The following ZNF395 variants were observed in gnomAD, a reference collection of about 807,000 sequenced individuals.
The protein encoded by ZNF395 is zinc finger protein 395, also known as HD gene regulatory region-binding protein 2.
Under a neutral mutation model 57.7 loss-of-function variants are expected in ZNF395, and 20 were observed. The observed-to-expected ratio is 0.35, with a 90% CI of 0.24 to 0.50. The LOEUF (loss-of-function observed/expected upper bound fraction) is 0.50, where lower values mean the gene tolerates loss of function less well. ZNF395 is among the 20% of genes least tolerant of loss of function. The probability of loss-of-function intolerance (pLI) is 0.97; values close to 1 mark genes in which losing one functional copy is unlikely to be tolerated. For missense variants in ZNF395, 606 were observed against 671.2 expected (o/e 0.90, Z 1.07); for synonymous variants, 295 against 275.9 (o/e 1.07, Z -0.69).
chr8:28,366,791 G>C (rs1469383150), intron 1 of ZNF395, among the ~76,000 whole-genome samples: 1 of 144,674 alleles, frequency 6.9e-6, no homozygotes. Flanking sequence ...TTTTTTCCTG[G>C]TATGTCTTCC....
At chr8:28,358,909 T>C (rs941664673) in intron 3 of ZNF395, among the ~76,000 whole-genome samples, 2 of 152,218 alleles carry the variant, frequency 1.3e-5, no homozygotes, top group African/African-American at 4.8e-5. Flanking sequence ...GGACAGAGAC[T>C]GTGTAGTCCA....
chr8:28,379,708 C>T (rs1802086475), intron 1 of ZNF395, among the ~76,000 whole-genome samples: 1 of 152,114 alleles, frequency 6.6e-6, no homozygotes, highest in Admixed American at 6.6e-5. Context: ...AGCGAGCAGG[C>T]ACTCAAGATT....
chr8:28,374,825 T>G (rs1413226054), intron 1 of ZNF395, among the ~76,000 whole-genome samples: 1 of 152,208 alleles, frequency 6.6e-6, no homozygotes, highest in Non-Finnish European at 1.5e-5. Flanking sequence ...ACACGTTCCC[T>G]AATAAGCCAG....
intron 1 of ZNF395, among the ~76,000 whole-genome samples, chr8:28,377,930 G>T (rs150765416): frequency 9.4e-4 from 142 of 151,696 alleles, no homozygotes; most frequent in African/African-American, 3.3e-3. Flanking sequence ...GCTAATTTTT[G>T]TATTTTTAGT....
chr8:28,354,759 G>T (rs1279875796), intron 4 of ZNF395, among the ~76,000 whole-genome samples: 2 of 152,084 alleles, frequency 1.3e-5, no homozygotes, highest in South Asian at 4.2e-4. Context: ...CTTCAGGGCA[G>T]AAGACAAGAA....
rs989783439 is a variant in ZNF395 at position 28,349,847 on chromosome 8, C to A, written c.1326+217G>T. 5.9e-5 allele frequency among the ~76,000 whole-genome samples: 9 copies of A among 152,370 alleles called. No homozygotes were observed. In the South Asian group the frequency reaches 1.2e-3, roughly 21 times the overall value. On this transcript the variant is annotated intron_variant, in intron 8 of 9. Transcript: ENST00000344423. ...GCTTGCTCTGGACATCCTCTACAAG[C>A]GCCTCCTTCCACCTCCGCGAGGGGC...
In ZNF395 at chr8:28,348,395, C is replaced by T; in HGVS notation, c.*324G>A. ...ACGAGCTGTTCCTTCTTTTGACACG[C>T]ACAAGCTAATCCCCTAGAGAGTGGG... On this transcript the variant is annotated 3_prime_UTR_variant, in exon 10 of 10. Transcript: ENST00000344423. 1 of 299,356 alleles carries T rather than the reference C, an allele frequency of 3.3e-6. No homozygotes were observed. Among genetic ancestry groups the T allele is most frequent in the Non-Finnish European group, 6.4e-6 (1 of 155,484 alleles). 18.5% of individuals were successfully genotyped at this position (299,356 alleles called of 1,614,324 possible). A position where few individuals can be genotyped will look rare whatever the true frequency, so the allele number is the denominator to read the frequency against.
At chr8:28,374,846 A>G (rs1188343497) in intron 1 of ZNF395, among the ~76,000 whole-genome samples, 1 of 152,158 alleles carries the variant, frequency 6.6e-6, no homozygotes, top group Non-Finnish European at 1.5e-5. Context: ...CCCTTGCCCA[A>G]TCACACTTCC....
chr8:28,374,275 G>A (rs180864907), intron 1 of ZNF395, among the ~76,000 whole-genome samples: 1 of 152,176 alleles, frequency 6.6e-6, no homozygotes, highest in Non-Finnish European at 1.5e-5. Context: ...CTTTTTGTAA[G>A]TCCTATAGGT....
At chr8:28,367,833 A>G (rs1801929310) in intron 1 of ZNF395, among the ~76,000 whole-genome samples, 1 of 152,196 alleles carries the variant, frequency 6.6e-6, no homozygotes. Context: ...ATTCAAGAAA[A>G]ACGTGTTATA....
At chr8:28,369,915 T>A (rs530817187) in intron 1 of ZNF395, among the ~76,000 whole-genome samples, 1 of 152,150 alleles carries the variant, frequency 6.6e-6, no homozygotes, top group Admixed American at 6.5e-5. Flanking sequence ...CTTAATGAAT[T>A]TGGGGCCTAA....
Position 28,349,146 on chromosome 8 carries a change from G to A in ZNF395, c.1409C>T (p.Pro470Leu), listed in dbSNP as rs2129934986. ...MKSHLIVTSP[P>L]RAQSGARKAR... ...TCACCTGGCACCACTCTGGGCCCGG[G>A]GTGGAGAAGTGACGATCAGATGAGA... The change falls in exon 9 of 10, where the codon CCC (proline) becomes CTC (leucine). Residue 470 changes from proline (P) to leucine (L), a missense_variant. Transcript: ENST00000344423. The A allele has an allele frequency of 6.4e-7, 1 of 1,566,098 alleles. No individual in the cohort carries two copies. Among genetic ancestry groups the A allele is most frequent in the Non-Finnish European group, 8.6e-7 (1 of 1,157,724 alleles).
intron 1 of ZNF395, among the ~76,000 whole-genome samples, chr8:28,384,248 G>A (rs554187276): frequency 4.6e-5 from 7 of 152,220 alleles, no homozygotes; most frequent in East Asian, 3.9e-4. Context: ...TCACCAAAAG[G>A]GCTAAGACTT....
chr8:28,359,650 G>C lies in ZNF395; in HGVS notation c.415C>G (p.Pro139Ala). 1 of 1,613,140 alleles carries C rather than the reference G, an allele frequency of 6.2e-7. No homozygotes were observed. The change falls in exon 3 of 10, where the codon CCC (proline) becomes GCC (alanine). Residue 139 changes from proline to alanine, a missense_variant. Pro to Ala is a conservative substitution (Grantham distance 27). Transcript: ENST00000344423. The surrounding 1 kb of genome is among the most constrained non-coding windows in gnomAD (Gnocchi z 4.7). ...GPCPQAPPLE[P>A]GAQALAYRPV... ...CTGTAGGCCAGGGCCTGGGCTCCGG[G>C]CTCCAGGGGTGGTGCCTGGGGACAG...
intron 9 of ZNF395, 129 bp from the exon 10 acceptor site, chr8:28,348,959 G>T: frequency 1.7e-6 from 2 of 1,182,796 alleles, no homozygotes; most frequent in Non-Finnish European, 2.5e-6. Context: ...AGGACCAGGG[G>T]CCAGAGGCTC....
chr8:28,367,674 C>A (rs1801927077), intron 1 of ZNF395, among the ~76,000 whole-genome samples: 3 of 152,178 alleles, frequency 2.0e-5, no homozygotes, highest in Admixed American at 2.0e-4. Flanking sequence ...GTTCACACTA[C>A]CCTATTACAC....
At chr8:28,364,674 A>G (rs1414795097) in intron 1 of ZNF395, among the ~76,000 whole-genome samples, 2 of 151,214 alleles carry the variant, frequency 1.3e-5, no homozygotes, top group African/African-American at 4.9e-5. Context: ...AAAAAAAAAA[A>G]GAATCACTTG....
chr8:28,360,856 G>A lies in ZNF395; in HGVS notation c.240+29C>T, dbSNP rs1315364362. On this transcript the variant is annotated intron_variant, in intron 2 of 9. Transcript: ENST00000344423. ...CCCTACCCCAAGACTGGCAAGACGGGACACCTGTCCATGTTGGGATCAACC... is the reference window on the plus strand; with the variant it reads ...CCCTACCCCAAGACTGGCAAGACGGAACACCTGTCCATGTTGGGATCAACC... 5.0e-6 allele frequency: 8 copies of A among 1,609,940 alleles called. No individual in the cohort carries two copies. The East Asian group carries it at 8.9e-5, about 18-fold the overall frequency.
intron 1 of ZNF395, among the ~76,000 whole-genome samples, chr8:28,375,680 G>A (rs1802032318): frequency 6.6e-6 from 1 of 152,166 alleles, no homozygotes; most frequent in African/African-American, 2.4e-5. Context: ...AGAACTCTGA[G>A]CTGTCCTATC....
Sources: gnomAD v4.1 joint callset for allele counts (sites outside exome capture counted in the v4.1 genomes callset) on GRCh38, gnomAD v4.1.1 for gene constraint, Gnocchi (gnomAD v3.1) non-coding constraint, MANE v1.5 for transcripts, NCBI Gene and HGNC (gene_info 2026-07-23, HGNC 2026-07-21) for gene names.